Variants in MYH6 observed in about 807,000 individuals in gnomAD.
MYH6 encodes myosin-6.
A neutral mutation model predicts 223.2 loss-of-function variants in MYH6; 126 were observed. The ratio of observed to expected loss-of-function variants is 0.56; its 90% CI spans 0.49 to 0.65. MYH6 has a LOEUF of 0.65. Among genes scored for constraint, MYH6 ranks in the 30% least tolerant of loss-of-function variants. The pLI, the probability that MYH6 is intolerant of heterozygous loss-of-function variation, is 0.00. For missense variants in MYH6, 2,040 were observed against 2,536.4 expected (o/e 0.80, Z 4.20); for synonymous variants, 978 against 1,010.2 (o/e 0.97, Z 0.61).
Position 23,405,428 on chromosome 14 carries a change from G to C in MYH6, c.346-49C>G, listed in dbSNP as rs1026507268. ...CATGAGGTTGGTGGGGAGAGCCTGG[G>C]ACAGGCAGTGGTGGCAGCCAGGCAT... On this transcript the variant is annotated intron_variant, in intron 4 of 38. Transcript: ENST00000405093. The surrounding 1 kb of genome is among the most constrained non-coding windows in gnomAD (Gnocchi z 4.7). 6.2e-7 allele frequency: 1 copy of C among 1,613,380 alleles called. No homozygotes were observed. Among genetic ancestry groups the C allele is most frequent in the African/African-American group, 1.3e-5 (1 of 74,912 alleles).
Position 23,382,557 on chromosome 14 carries a change from C to G in MYH6, c.5667G>C (p.Glu1889Asp), listed in dbSNP as rs1415232837. ...ACTTGGACAGGTTGGTGTTGGCTTG[C>G]TCCTCCTGTGGTGGGACAGTGGGGA... Reference protein sequence around the residue: ...AYKRQAEEAEEQANTNLSKFR... With the variant: ...AYKRQAEEAEDQANTNLSKFR... Residue 1889 changes from glutamate (E) to aspartate (D), a missense_variant, in exon 38 of 39, where the codon GAG becomes GAC. Physicochemically the swap from Glu to Asp is conservative, Grantham distance 45. Coordinates refer to ENST00000405093, the MANE Select transcript of MYH6 (RefSeq NM_002471.4). 3.1e-6 allele frequency: 5 copies of G among 1,614,202 alleles called. No homozygotes were observed. In the Admixed American group the frequency reaches 8.3e-5, roughly 27 times the overall value.
intron 25 of MYH6, 141 bp downstream of exon 25, chr14:23,392,421 G>T: frequency 1.3e-6 from 1 of 772,886 alleles, no homozygotes. Flanking sequence ...GTGTTCCTGA[G>T]CGCCTGTAAG....
intron 12 of MYH6, among the ~76,000 whole-genome samples, chr14:23,401,541 G>A (rs1891601594): frequency 6.6e-6 from 1 of 152,236 alleles, no homozygotes; most frequent in Non-Finnish European, 1.5e-5. Flanking sequence ...CTCTACATCT[G>A]TGGCATCTCT....
chr14:23,389,364 G>A (rs1225272889), intron 28 of MYH6, 29 bp downstream of exon 28: 2 of 1,608,834 alleles, frequency 1.2e-6, no homozygotes, highest in Non-Finnish European at 1.7e-6. Context: ...CTGCCATCAA[G>A]CCTGCCCACC....
At position 23,389,690 on chromosome 14, in the gene MYH6, C is replaced by T; in HGVS notation, c.3762G>A (p.Leu1254=). 1.2e-6 allele frequency: 2 copies of T among 1,614,200 alleles called. No individual in the cohort carries two copies. The highest frequency in any genetic ancestry group is 1.7e-6 in the Non-Finnish European group (2 of 1,180,044). Residue 1254 remains leucine (L), a synonymous_variant, in exon 27 of 39, where the codon CTG becomes CTA. Transcript: ENST00000405093. Reference sequence around the variant, plus strand: ...CGCGGTACTCATTGGCCTGGTCCTCCAGCGTCCGAGACACTTTCTCCAGGT... The same window carrying T: ...CGCGGTACTCATTGGCCTGGTCCTCTAGCGTCCGAGACACTTTCTCCAGGT... ...KANLEKVSRT[L]EDQANEYRVK... is the part of the protein sequence containing the mutation.
chr14:23,402,924 G>A, intron 10 of MYH6, 124 bp from the exon 11 acceptor site: 1 of 743,866 alleles, frequency 1.3e-6, no homozygotes, highest in Non-Finnish European at 2.3e-6. Context: ...TGGAGGAAGG[G>A]AGGACAGGGA....
intron 32 of MYH6, among the ~76,000 whole-genome samples, 189 bp downstream of exon 32, chr14:23,387,340 T>A (rs190204949): frequency 6.6e-6 from 1 of 152,326 alleles, no homozygotes; most frequent in East Asian, 1.9e-4. Context: ...CTAATCAGAC[T>A]GACATTTTCC....
rs773853983 is a variant in MYH6, at chr14:23,400,782, G to A, written c.1337C>T (p.Ala446Val). 1 of 1,614,254 alleles carries A rather than the reference G, an allele frequency of 6.2e-7. No individual in the cohort carries two copies. The highest frequency in any genetic ancestry group is 8.5e-7 in the Non-Finnish European group (1 of 1,180,052). The change falls in exon 13 of 39, where the codon GCC becomes GTC. Residue 446 changes from alanine to valine, a missense_variant. Around this residue, in one of 4 missense-constraint regions of MYH6, gnomAD observed 649 missense variants for 877.3 expected, o/e 0.74. Coordinates refer to ENST00000405093, the MANE Select transcript of MYH6 (RefSeq NM_002471.4). Reference sequence around the variant, plus strand: ...GCGTGGCTGCTTGGTCTCCAGGGTGGCGTTGATGCGCGTCACCATCCAGTT... The same window carrying A: ...GCGTGGCTGCTTGGTCTCCAGGGTGACGTTGATGCGCGTCACCATCCAGTT... Reference protein sequence around the residue: ...MFNWMVTRINATLETKQPRQY... With the variant: ...MFNWMVTRINVTLETKQPRQY...
At position 23,400,302 on chromosome 14, in the gene MYH6, A is replaced by G. The variant is rs397516756; in HGVS notation, c.1535T>C (p.Ile512Thr). ...GGCCTGCAGGTCCATGCCAAAGTCA[A>G]TGAATGTCCACTCAATGCCCTCCTT... ...YKKEGIEWTF[I>T]DFGMDLQACI... The change falls in exon 14 of 39, where the codon ATT becomes ACT. Residue 512 changes from isoleucine to threonine, a missense_variant. Coordinates refer to ENST00000405093, the MANE Select transcript of MYH6 (RefSeq NM_002471.4). 37 of 1,614,092 alleles carry G rather than the reference A, an allele frequency of 2.3e-5. No homozygotes were observed. Among genetic ancestry groups the G allele is most frequent in the Non-Finnish European group, 3.1e-5 (37 of 1,180,038 alleles).
chr14:23,388,276 C>A lies in MYH6; in HGVS notation c.4238G>T (p.Cys1413Phe), dbSNP rs1891102255. 6.2e-7 allele frequency: 1 copy of A among 1,613,078 alleles called. No homozygotes were observed. The highest frequency in any genetic ancestry group is 8.5e-7 in the Non-Finnish European group (1 of 1,180,034). The change falls in exon 30 of 39, where the codon TGC becomes TTC. Residue 1413 changes from cysteine (C) to phenylalanine (F), a missense_variant. Coordinates refer to ENST00000405093, the MANE Select transcript of MYH6 (RefSeq NM_002471.4). ...EEAVEAVNAK[C>F]SSLEKTKHRL... The stretch of plus-strand genomic sequence containing the variant: ...GTGCTTGGTCTTCTCCAGTGAGGAG[C>A]ACTTGGCATTAACAGCCTCCACGGC...
chr14:23,389,114 A>T, intron 28 of MYH6, 59 bp from the exon 29 acceptor site: 2 of 1,526,502 alleles, frequency 1.3e-6, no homozygotes, highest in Non-Finnish European at 1.8e-6. Flanking sequence ...CATTCTCTAG[A>T]TTCTCTTCTT....
At chr14:23,394,529 T>C (rs1370705341) in intron 20 of MYH6, among the ~76,000 whole-genome samples, 4 of 152,262 alleles carry the variant, frequency 2.6e-5, no homozygotes, top group Non-Finnish European at 5.9e-5. Flanking sequence ...AGCTGGGATA[T>C]TAGTGGTAAT....
chr14:23,387,558 C>T lies in MYH6; in HGVS notation c.4621G>A (p.Glu1541Lys), dbSNP rs758534100. The change falls in exon 32 of 39, where the codon GAG (glutamate) becomes AAG (lysine). Residue 1541 changes from glutamate (E) to lysine (K), a missense_variant. Transcript: ENST00000405093. Reference sequence around the variant, plus strand: ...GCCTCCTCCAGGGCTGACTGCAGCTCCAGCTTCTCCACCTCCAGCTGTTTG... The same window carrying T: ...GCCTCCTCCAGGGCTGACTGCAGCTTCAGCTTCTCCACCTCCAGCTGTTTG... ...VRKQLEVEKL[E>K]LQSALEEAEA... 1 of 1,614,060 alleles carries T rather than the reference C, an allele frequency of 6.2e-7. No homozygotes were observed. The highest frequency in any genetic ancestry group is 1.1e-5 in the South Asian group (1 of 91,080).
At chr14:23,397,947 T>TTCTTCTTTTTCTTCTTCTTCC (rs1891462069) in intron 15 of MYH6, among the ~76,000 whole-genome samples, 1 of 71,256 alleles carries the variant, frequency 1.4e-5, no homozygotes, top group Non-Finnish European at 2.8e-5. Flanking sequence ...CTTCTTCTTC[T>TTCTTCTTTTTCTTCTTCTTCC]TCTTCTTCTT....
At position 23,390,377 on chromosome 14, in the gene MYH6, G is replaced by A. The variant is rs1368246967; in HGVS notation, c.3412C>T (p.Arg1138Cys). ...RTARAKVEKL[R>C]SDLSRELEEI... is the part of the protein sequence containing the mutation. Reference sequence around the variant, plus strand: ...TCCAGCTCCCGAGACAGGTCTGAGCGCAGCTTCTCCACCTTAGCCCTGGCG... The same window carrying A: ...TCCAGCTCCCGAGACAGGTCTGAGCACAGCTTCTCCACCTTAGCCCTGGCG... Residue 1138 changes from arginine (R) to cysteine (C), a missense_variant, in exon 26 of 39, where the codon CGC becomes TGC. Coordinates refer to ENST00000405093, the MANE Select transcript of MYH6 (RefSeq NM_002471.4). 3.7e-6 allele frequency: 6 copies of A among 1,605,456 alleles called. No individual in the cohort carries two copies. In the African/African-American group the frequency reaches 4.0e-5, roughly 11 times the overall value.
chr14:23,383,339 G>GGGGGGGGGGCCGCCCCCCCCC lies in MYH6; in HGVS notation c.5566-20_5566-19insGGGGGGGGGCGGCCCCCCCCC. The GGGGGGGGGGCCGCCCCCCCCC allele has an allele frequency of 9.2e-6, 1 of 108,202 alleles. No homozygotes were observed. The allele number at this position is 108,202 out of a possible 1,614,324, so 6.7% of individuals were successfully genotyped here. A position where few individuals can be genotyped will look rare whatever the true frequency, so the allele number is the denominator to read the frequency against. ...CCTCTGTCTGGGGGTGGGAGGGTGG[G>GGGGGGGGGGCCGCCCCCCCCC]AGAAGCTGGTTTGGAGGGGGAGCAA... On this transcript the variant is annotated intron_variant, in intron 36 of 38. Transcript: ENST00000405093.
At chr14:23,383,383 C>T in intron 36 of MYH6, 63 bp from the exon 37 acceptor site, 2 of 1,292,600 alleles carry the variant, frequency 1.5e-6, no homozygotes, top group East Asian at 2.4e-5. Context: ...ACCTTTCCCT[C>T]CTCCATCATT....
At chr14:23,392,001 C>T (rs538247909) in intron 25 of MYH6, among the ~76,000 whole-genome samples, 2 of 152,170 alleles carry the variant, frequency 1.3e-5, no homozygotes, top group South Asian at 4.1e-4. Context: ...ATTATCCCCT[C>T]TGGTCCTGTG....
rs371661383 is a variant in MYH6, at chr14:23,386,303, G to C, written c.4959+12C>G. 6.2e-7 allele frequency: 1 copy of C among 1,614,046 alleles called. No homozygotes were observed. Among genetic ancestry groups the C allele is most frequent in the East Asian group, 2.2e-5 (1 of 44,874 alleles). ...GGCCAGTCCCCTGAGGGGACCTCCCGCCCCCATGTACCTTCAGCAAGCTCT... is the reference window on the plus strand; with the variant it reads ...GGCCAGTCCCCTGAGGGGACCTCCCCCCCCCATGTACCTTCAGCAAGCTCT... On this transcript the variant is annotated intron_variant, in intron 33 of 38. Transcript: ENST00000405093.
Sources: gnomAD v4.1 joint callset for allele counts (sites outside exome capture counted in the v4.1 genomes callset) on GRCh38, gnomAD v4.1.1 for gene constraint, gnomAD v4.1.1 regional missense constraint, Gnocchi (gnomAD v3.1) non-coding constraint, MANE v1.5 for transcripts, NCBI Gene and HGNC (gene_info 2026-07-23, HGNC 2026-07-21) for gene names.